The following PVT1 variants were observed in gnomAD, a reference collection of about 807,000 sequenced individuals.
PVT1 encodes CXCR4/PVT1 fusion.
chr8:127,923,309 AGT>A (rs1816088039), intron 3 of PVT1, among the ~76,000 whole-genome samples: 1 of 152,258 alleles, frequency 6.6e-6, no homozygotes, highest in Admixed American at 6.5e-5. Context: ...TGTGCTTCAC[AGT>A]GTGGGAAACT....
chr8:127,916,541 GAT>G (rs904867756), intron 3 of PVT1, among the ~76,000 whole-genome samples: 8 of 152,156 alleles, frequency 5.3e-5, no homozygotes, highest in Non-Finnish European at 8.8e-5. Flanking sequence ...GTCATGGATT[GAT>G]GTGTCCGTAT....
chr8:127,796,138 C>T (rs1814393086), intron 2 of PVT1: 1 of 168,680 alleles, frequency 5.9e-6, no homozygotes, highest in East Asian at 1.9e-4. Flanking sequence ...GGTTGTGTTG[C>T]TGTTTTGCCT....
At chr8:127,838,849 A>T (rs908284225) in intron 2 of PVT1, among the ~76,000 whole-genome samples, 2 of 152,178 alleles carry the variant, frequency 1.3e-5, no homozygotes, top group African/African-American at 4.8e-5. Context: ...CCACATAATG[A>T]TGTGTGGATC....
intron 4 of PVT1, among the ~76,000 whole-genome samples, chr8:127,997,805 G>C (rs1817124999): frequency 6.6e-6 from 1 of 152,128 alleles, no homozygotes; most frequent in South Asian, 2.1e-4. Flanking sequence ...GTTTTTACCT[G>C]GTCCAGGATC....
intron 2 of PVT1, among the ~76,000 whole-genome samples, chr8:127,830,312 G>A (rs1430176497): frequency 2.0e-5 from 3 of 152,136 alleles, no homozygotes; most frequent in Non-Finnish European, 4.4e-5. Flanking sequence ...TGAGGAACAC[G>A]AGGGCCAGAT....
intron 5 of PVT1, among the ~76,000 whole-genome samples, chr8:128,095,677 T>G (rs1176101344): frequency 6.6e-6 from 1 of 152,244 alleles, no homozygotes; most frequent in East Asian, 1.9e-4. Context: ...ATATATATTG[T>G]CTGGCTCTTT....
chr8:127,932,430 T>C, intron 3 of PVT1: 2 of 398,614 alleles, frequency 5.0e-6, no homozygotes, highest in Non-Finnish European at 8.8e-6. Context: ...GCGAGAACTA[T>C]TGTCACATGA....
chr8:128,046,396 C>T (rs1020452149), intron 4 of PVT1, among the ~76,000 whole-genome samples: 1 of 152,242 alleles, frequency 6.6e-6, no homozygotes, highest in African/African-American at 2.4e-5. Flanking sequence ...CTGGGAATGG[C>T]AGAGCTGGGA....
chr8:127,837,887 G>T (rs918374340), intron 2 of PVT1, among the ~76,000 whole-genome samples: 1 of 151,414 alleles, frequency 6.6e-6, no homozygotes, highest in Non-Finnish European at 1.5e-5. Flanking sequence ...AAAGGGGTGT[G>T]ATTATTTATG....
At chr8:128,049,302 C>A in intron 4 of PVT1, 1 of 468,608 alleles carries the variant, frequency 2.1e-6, no homozygotes, top group Non-Finnish European at 4.3e-6. Flanking sequence ...CTGATAGAAG[C>A]AGGGCAAGGG....
At chr8:127,918,795 C>G (rs1042492578) in intron 3 of PVT1, among the ~76,000 whole-genome samples, 1 of 152,184 alleles carries the variant, frequency 6.6e-6, no homozygotes, top group Admixed American at 6.5e-5. Flanking sequence ...AATGCACAAG[C>G]CTTGAGTCGC....
intron 2 of PVT1, among the ~76,000 whole-genome samples, chr8:127,842,310 A>C (rs1003703255): frequency 1.3e-5 from 2 of 151,250 alleles, no homozygotes; most frequent in Non-Finnish European, 2.9e-5. Flanking sequence ...GCTGGAGTGC[A>C]GAAGTACAAT....
intron 3 of PVT1, among the ~76,000 whole-genome samples, chr8:127,968,158 G>A (rs953170665): frequency 7.9e-5 from 12 of 152,178 alleles, no homozygotes; most frequent in African/African-American, 2.9e-4. Flanking sequence ...TTCTGGATCT[G>A]TCAGAACTGA....
At chr8:127,812,087 T>C (rs1814600630) in intron 2 of PVT1, among the ~76,000 whole-genome samples, 2 of 142,078 alleles carry the variant, frequency 1.4e-5, no homozygotes. Context: ...CCAGCCTGGG[T>C]GACAGGGTGA....
intron 3 of PVT1, among the ~76,000 whole-genome samples, chr8:127,923,380 G>A (rs35851359): frequency 1.3e-5 from 2 of 152,122 alleles, no homozygotes; most frequent in African/African-American, 4.8e-5. Context: ...TGTGAAGCCT[G>A]TGAGTTGGAT....
chr8:127,864,300 C>T (rs530674919), intron 2 of PVT1, among the ~76,000 whole-genome samples: 3 of 151,874 alleles, frequency 2.0e-5, no homozygotes, highest in Admixed American at 1.3e-4. Context: ...GGAACTGGGG[C>T]CCTGCCAGTC....
At chr8:127,894,657 G>C (rs1265562695) in intron 3 of PVT1, among the ~76,000 whole-genome samples, 3 of 152,252 alleles carry the variant, frequency 2.0e-5, no homozygotes, top group South Asian at 2.1e-4. Flanking sequence ...TGCGACCTGT[G>C]GTTTTGCAGA....
At chr8:128,026,518 G>C (rs4443625) in intron 4 of PVT1, among the ~76,000 whole-genome samples, 1 of 151,832 alleles carries the variant, frequency 6.6e-6, no homozygotes, top group Non-Finnish European at 1.5e-5. Context: ...CAAGCCCCAC[G>C]TCGAGCAGTG....
intron 4 of PVT1, among the ~76,000 whole-genome samples, chr8:127,992,784 C>T (rs1273836632): frequency 6.6e-6 from 1 of 152,224 alleles, no homozygotes; most frequent in African/African-American, 2.4e-5. Flanking sequence ...TTGGACTCCT[C>T]TTCTGGCCTT....
Sources: allele counts gnomAD v4.1 joint callset (sites outside exome capture counted in the v4.1 genomes callset), GRCh38; gene constraint gnomAD v4.1.1; transcripts MANE v1.5; gene names NCBI Gene and HGNC (gene_info 2026-07-23, HGNC 2026-07-21).